The following CACNA2D3 variants were observed in gnomAD, a reference collection of about 807,000 sequenced individuals.
CACNA2D3 encodes the protein calcium voltage-gated channel auxiliary subunit alpha2delta 3.
In CACNA2D3, 60 loss-of-function variants were observed where a neutral mutation model predicts 160.6. That is an observed-to-expected ratio of 0.37 (90% CI 0.30 to 0.46). The LOEUF is 0.46. CACNA2D3 is among the 20% of genes least tolerant of loss of function. The pLI is 1.00. For missense variants in CACNA2D3, 1,205 were observed against 1,365.0 expected (o/e 0.88, Z 1.85); for synonymous variants, 558 against 492.9 (o/e 1.13, Z -1.75).
rs141095532 is a variant in CACNA2D3, at chr3:54,959,151, C to G, written c.2450-9299C>G. Among the ~76,000 whole-genome samples the G allele has an allele frequency of 1.8e-3, 271 of 152,292 alleles. 3 individuals carry two copies. The highest frequency in any genetic ancestry group is 6.3e-3 in the African/African-American group (261 of 41,572). On this transcript the variant is annotated intron_variant, in intron 27 of 37. Coordinates refer to ENST00000474759, the MANE Select transcript of CACNA2D3 (RefSeq NM_018398.3). ...TCCTATTAGAGTGCTGTCAGTTTTT[C>G]AAATGAACTGTCTGTATATTGAGTC...
At chr3:54,932,850 G>T (rs927527207) in intron 27 of CACNA2D3, among the ~76,000 whole-genome samples, 7 of 152,176 alleles carry the variant, frequency 4.6e-5, no homozygotes. Flanking sequence ...CTGCAGCCAG[G>T]AATAGTGGGG....
intron 4 of CACNA2D3, among the ~76,000 whole-genome samples, chr3:54,478,660 G>GTGTATGTATATATATATTGCTATATATA: frequency 2.7e-5 from 1 of 36,382 alleles, no homozygotes; most frequent in African/African-American, 7.2e-5. Context: ...ATATGTGTGT[G>GTGTATGTATATATATATTGCTATATATA]TATATATATA....
chr3:54,808,697 C>A (rs1703201163), intron 13 of CACNA2D3, among the ~76,000 whole-genome samples: 1 of 152,082 alleles, frequency 6.6e-6, no homozygotes, highest in African/African-American at 2.4e-5. Context: ...GGATTTCTCA[C>A]CTGTAAAATT....
At chr3:55,068,515 T>C (rs1704720811) in intron 35 of CACNA2D3, among the ~76,000 whole-genome samples, 1 of 152,202 alleles carries the variant, frequency 6.6e-6, no homozygotes, top group South Asian at 2.1e-4. Flanking sequence ...CTAATACATC[T>C]TATAAGTTTT....
At chr3:54,934,105 A>G (rs1701272060) in intron 27 of CACNA2D3, among the ~76,000 whole-genome samples, 1 of 152,218 alleles carries the variant, frequency 6.6e-6, no homozygotes, top group Non-Finnish European at 1.5e-5. Context: ...CAAATTACAA[A>G]ACAGGGACGG....
At chr3:54,850,270 G>A (rs758889944) in intron 17 of CACNA2D3, among the ~76,000 whole-genome samples, 1 of 152,186 alleles carries the variant, frequency 6.6e-6, no homozygotes, top group Admixed American at 6.5e-5. Context: ...GGGGCCGGGG[G>A]GCTGCAGCAC....
chr3:55,034,225 G>A (rs1326078731), intron 35 of CACNA2D3, among the ~76,000 whole-genome samples: 2 of 151,874 alleles, frequency 1.3e-5, no homozygotes, highest in African/African-American at 2.4e-5. Context: ...GTTATGAAAT[G>A]TTCTGCTCTT....
chr3:55,010,331 G>A (rs1223537287), intron 34 of CACNA2D3, among the ~76,000 whole-genome samples: 4 of 151,952 alleles, frequency 2.6e-5, no homozygotes, highest in Admixed American at 6.6e-5. Flanking sequence ...CCAAACCCTC[G>A]AGACATGCAG....
At chr3:54,878,262 C>G (rs1251729541) in intron 18 of CACNA2D3, among the ~76,000 whole-genome samples, 1 of 152,144 alleles carries the variant, frequency 6.6e-6, no homozygotes, top group Non-Finnish European at 1.5e-5. Flanking sequence ...AGCGTTTGCT[C>G]CTATTCCATT....
chr3:54,552,324 G>A (rs1385909153), intron 5 of CACNA2D3, among the ~76,000 whole-genome samples: 1 of 152,144 alleles, frequency 6.6e-6, no homozygotes, highest in Admixed American at 6.5e-5. Flanking sequence ...GAAAGCCTGA[G>A]GGAGCCCCCT....
chr3:54,653,636 A>G (rs1699817713), intron 11 of CACNA2D3, among the ~76,000 whole-genome samples: 1 of 152,194 alleles, frequency 6.6e-6, no homozygotes, highest in African/African-American at 2.4e-5. Context: ...GGTATTAGAC[A>G]TCTTGTGACT....
At chr3:54,844,063 T>C (rs1426132396) in intron 16 of CACNA2D3, among the ~76,000 whole-genome samples, 1 of 151,942 alleles carries the variant, frequency 6.6e-6, no homozygotes, top group Non-Finnish European at 1.5e-5. Flanking sequence ...CTGCAGCTTA[T>C]TGAGGGAGAG....
intron 17 of CACNA2D3, among the ~76,000 whole-genome samples, chr3:54,866,693 C>T (rs1005527717): frequency 5.3e-5 from 8 of 152,308 alleles, no homozygotes; most frequent in Non-Finnish European, 8.8e-5. Flanking sequence ...TCAACATGGT[C>T]ATCATCTTGG....
chr3:54,201,602 G>C (rs1345435002), intron 2 of CACNA2D3, among the ~76,000 whole-genome samples: 2 of 152,142 alleles, frequency 1.3e-5, no homozygotes, highest in Non-Finnish European at 2.9e-5. Flanking sequence ...ATTTGAGTTT[G>C]AACCTCATTT....
chr3:54,536,066 A>T (rs1701884583), intron 5 of CACNA2D3, among the ~76,000 whole-genome samples: 1 of 152,254 alleles, frequency 6.6e-6, no homozygotes, highest in Non-Finnish European at 1.5e-5. Context: ...TGTTTTATGT[A>T]TTCCATCTAA....
chr3:54,459,083 C>G (rs1011735226), intron 4 of CACNA2D3, among the ~76,000 whole-genome samples: 1 of 152,042 alleles, frequency 6.6e-6, no homozygotes, highest in Non-Finnish European at 1.5e-5. Flanking sequence ...TCATCCATGT[C>G]CCTACAAAGG....
chr3:54,930,983 C>G (rs1247367903), intron 27 of CACNA2D3, among the ~76,000 whole-genome samples: 1 of 151,634 alleles, frequency 6.6e-6, no homozygotes, highest in African/African-American at 2.4e-5. Context: ...GTAATCTCAG[C>G]TACTCAGGAG....
intron 3 of CACNA2D3, among the ~76,000 whole-genome samples, chr3:54,384,006 T>A (rs1047781059): frequency 6.6e-6 from 1 of 152,238 alleles, no homozygotes; most frequent in Non-Finnish European, 1.5e-5. Flanking sequence ...AAATAAAATA[T>A]ATATGAAATA....
At chr3:54,436,213 C>T (rs936011045) in intron 4 of CACNA2D3, among the ~76,000 whole-genome samples, 15 of 152,088 alleles carry the variant, frequency 9.9e-5, no homozygotes, top group African/African-American at 3.6e-4. Flanking sequence ...AAATGCAAAT[C>T]AAAACCACAA....
Sources: allele counts gnomAD v4.1 joint callset (sites outside exome capture counted in the v4.1 genomes callset), GRCh38; gene constraint gnomAD v4.1.1; transcripts MANE v1.5; gene names NCBI Gene and HGNC (gene_info 2026-07-23, HGNC 2026-07-21).